DLG2: variants seen among roughly 807,000 people sequenced by gnomAD.
DLG2 encodes discs large MAGUK scaffold protein 2.
In DLG2, 45 loss-of-function variants were observed where a neutral mutation model predicts 132.5. The ratio of observed to expected loss-of-function variants is 0.34; its 90% CI spans 0.27 to 0.44. DLG2 has a LOEUF of 0.44. Among genes scored for constraint, DLG2 ranks in the 20% least tolerant of loss-of-function variants. DLG2 has a pLI of 1.00. For missense variants in DLG2, 1,045 were observed against 1,196.9 expected (o/e 0.87, Z 1.87); for synonymous variants, 424 against 419.6 (o/e 1.01, Z -0.13).
chr11:85,222,418 C>T (rs2074707559), intron 4 of DLG2, among the ~76,000 whole-genome samples: 1 of 152,166 alleles, frequency 6.6e-6, no homozygotes, highest in Non-Finnish European at 1.5e-5. Flanking sequence ...AAAAAACACC[C>T]ACTCTTCTGG....
At chr11:85,557,818 A>C (rs1220144382) in intron 3 of DLG2, among the ~76,000 whole-genome samples, 1 of 151,982 alleles carries the variant, frequency 6.6e-6, no homozygotes, top group African/African-American at 2.4e-5. Flanking sequence ...AGATGAATTA[A>C]AGATTTAAGT....
intron 8 of DLG2, among the ~76,000 whole-genome samples, chr11:84,248,847 C>T (rs965066038): frequency 2.6e-5 from 4 of 152,140 alleles, no homozygotes; most frequent in Non-Finnish European, 5.9e-5. Flanking sequence ...GTACTCCAGC[C>T]TGGGTGATAG....
rs1584854 is a variant in DLG2, at chr11:84,152,006, A to G, written c.624+11455T>C. 9.8e-3 allele frequency among the ~76,000 whole-genome samples: 1,499 copies of G among 152,344 alleles called. 8 individuals are homozygous for G. The highest frequency in any genetic ancestry group is 0.015 in the Non-Finnish European group (1,032 of 68,032). ...GAGTGTGTTCCATATACAGACAAGA[A>G]GAATGTACTTTCTATCAATGTTGGA... is the stretch of plus-strand genomic sequence containing the variant. On this transcript the variant is annotated intron_variant, in intron 9 of 27. Transcript: ENST00000376104.
chr11:85,514,944 A>G (rs964324248), intron 3 of DLG2, among the ~76,000 whole-genome samples: 1 of 151,952 alleles, frequency 6.6e-6, no homozygotes, highest in African/African-American at 2.4e-5. Context: ...TACATCTATC[A>G]TCTTCTTGAA....
At chr11:83,695,001 C>T (rs935033900) in intron 18 of DLG2, among the ~76,000 whole-genome samples, 1 of 152,226 alleles carries the variant, frequency 6.6e-6, no homozygotes, top group African/African-American at 2.4e-5. Context: ...TACATTATCC[C>T]ATGGTTGCTA....
intron 3 of DLG2, among the ~76,000 whole-genome samples, chr11:85,441,547 T>G (rs2091776124): frequency 6.6e-6 from 1 of 152,140 alleles, no homozygotes; most frequent in Non-Finnish European, 1.5e-5. Context: ...TGATCACTTA[T>G]TCATTCAGTC....
chr11:85,172,060 AGGGGG>A (rs930495797), intron 4 of DLG2, among the ~76,000 whole-genome samples: 4 of 152,182 alleles, frequency 2.6e-5, no homozygotes, highest in Middle Eastern at 3.4e-3. Flanking sequence ...ATTCTGGACG[AGGGGG>A]GGTTCCGCCC....
intron 9 of DLG2, among the ~76,000 whole-genome samples, chr11:84,137,325 A>G (rs1176004108): frequency 6.6e-6 from 1 of 152,100 alleles, no homozygotes; most frequent in Non-Finnish European, 1.5e-5. Flanking sequence ...ACCATACTCT[A>G]TCATTAAAGA....
chr11:83,690,919 G>A (rs947141730), intron 18 of DLG2, among the ~76,000 whole-genome samples: 26 of 152,072 alleles, frequency 1.7e-4, no homozygotes, highest in African/African-American at 6.0e-4. Context: ...TTTATGTATT[G>A]TCTATGGCTG....
intron 19 of DLG2, among the ~76,000 whole-genome samples, chr11:83,621,570 C>G (rs1321140077): frequency 6.6e-6 from 1 of 151,962 alleles, no homozygotes; most frequent in African/African-American, 2.4e-5. Context: ...AAAGTGGCCC[C>G]TTGACAGTTT....
At chr11:85,032,503 A>T (rs1164975173) in intron 6 of DLG2, among the ~76,000 whole-genome samples, 1 of 152,218 alleles carries the variant, frequency 6.6e-6, no homozygotes, top group Non-Finnish European at 1.5e-5. Context: ...TTGGATGGTC[A>T]GGTAATATAT....
chr11:84,728,262 C>A (rs964753474), intron 6 of DLG2, among the ~76,000 whole-genome samples: 3 of 152,088 alleles, frequency 2.0e-5, no homozygotes, highest in African/African-American at 7.2e-5. Flanking sequence ...GAGATACGTT[C>A]CATTGATACC....
At chr11:84,726,487 CCA>C (rs2062474027) in intron 6 of DLG2, among the ~76,000 whole-genome samples, 1 of 152,124 alleles carries the variant, frequency 6.6e-6, no homozygotes, top group South Asian at 2.1e-4. Flanking sequence ...TGTATATGTG[CCA>C]CACTTTCTTT....
chr11:84,055,092 CCTT>C (rs1340997205), intron 11 of DLG2, among the ~76,000 whole-genome samples: 1 of 151,932 alleles, frequency 6.6e-6, no homozygotes, highest in Non-Finnish European at 1.5e-5. Flanking sequence ...TTTAGACAGA[CCTT>C]CTCCAGTTCT....
intron 8 of DLG2, among the ~76,000 whole-genome samples, chr11:84,178,439 C>T (rs2096028921): frequency 6.6e-6 from 1 of 152,034 alleles, no homozygotes; most frequent in Admixed American, 6.6e-5. Context: ...TGAGTATCCT[C>T]AAGAGACTAC....
chr11:83,791,077 G>T (rs1191801830), intron 17 of DLG2: 3 of 697,804 alleles, frequency 4.3e-6, no homozygotes, highest in Non-Finnish European at 7.6e-6. Context: ...ACGCCATTCA[G>T]GGGTGGACTC....
At chr11:83,581,097 C>T (rs761703491) in intron 19 of DLG2, among the ~76,000 whole-genome samples, 21 of 151,810 alleles carry the variant, frequency 1.4e-4, no homozygotes, top group Non-Finnish European at 2.6e-4. Flanking sequence ...AGATCTCAAA[C>T]CTCCAAATGA....
intron 6 of DLG2, among the ~76,000 whole-genome samples, chr11:84,578,481 G>A (rs2099508672): frequency 6.6e-6 from 1 of 152,210 alleles, no homozygotes; most frequent in South Asian, 2.1e-4. Flanking sequence ...GAGACCTGGA[G>A]TCAAAGGAGA....
At chr11:84,937,024 T>C (rs7102934) in intron 6 of DLG2, among the ~76,000 whole-genome samples, 56,958 of 151,742 alleles carry the variant, frequency 0.38, 11,343 homozygotes, top group East Asian at 0.67. Flanking sequence ...TGGTGGCAGA[T>C]GCCTGTAATC....
Sources: allele counts gnomAD v4.1 joint callset (sites outside exome capture counted in the v4.1 genomes callset), GRCh38; gene constraint gnomAD v4.1.1; transcripts MANE v1.5; gene names NCBI Gene and HGNC (gene_info 2026-07-23, HGNC 2026-07-21).